The following PPP1R13B variants were observed in gnomAD, a reference collection of about 807,000 sequenced individuals.
PPP1R13B encodes the protein protein phosphatase 1 regulatory subunit 13B, also known as apoptosis-stimulating of p53 protein 1.
PPP1R13B carries 44 observed loss-of-function variants against 119.8 expected under a neutral mutation model. That is an observed-to-expected ratio of 0.37 (90% CI 0.29 to 0.47). The LOEUF (loss-of-function observed/expected upper bound fraction) is 0.47. Among genes scored for constraint, PPP1R13B ranks in the 20% least tolerant of loss-of-function variants. The probability of loss-of-function intolerance (pLI) is 0.99; values close to 1 mark genes in which losing one functional copy is unlikely to be tolerated. For missense variants in PPP1R13B, 1,227 were observed against 1,413.5 expected (o/e 0.87, Z 2.12); for synonymous variants, 542 against 561.5 (o/e 0.97, Z 0.49).
In PPP1R13B at chr14:103,770,152, C is replaced by T. The variant is rs546471971; in HGVS notation, c.354+8593G>A. Among the ~76,000 whole-genome samples, 59 of 152,090 alleles carry T rather than the reference C, an allele frequency of 3.9e-4. 1 individual carries two copies. In the South Asian group the frequency reaches 0.012, roughly 31 times the overall value. On this transcript the variant is annotated intron_variant, in intron 4 of 16. Coordinates refer to ENST00000202556, the MANE Select transcript of PPP1R13B (RefSeq NM_015316.3). ...AAGTGATCCACCTACCTCGGCCTCC[C>T]AAAGTGCTGGGTTTACAGGTGTGAG... is the stretch of plus-strand genomic sequence containing the variant.
chr14:103,841,984 G>T (rs1725954199), intron 1 of PPP1R13B, among the ~76,000 whole-genome samples: 1 of 152,158 alleles, frequency 6.6e-6, no homozygotes, highest in African/African-American at 2.4e-5. Flanking sequence ...TAACAAGTAG[G>T]AGCAAGAACC....
At chr14:103,786,322 G>GTA in intron 2 of PPP1R13B, among the ~76,000 whole-genome samples, 1 of 152,288 alleles carries the variant, frequency 6.6e-6, no homozygotes, top group East Asian at 1.9e-4. Context: ...GATTACAGGT[G>GTA]TAAGCCACTG....
chr14:103,816,625 C>CA (rs1258801254), intron 1 of PPP1R13B, among the ~76,000 whole-genome samples: 1 of 148,790 alleles, frequency 6.7e-6, no homozygotes, highest in African/African-American at 2.5e-5. Context: ...GTGGAGGTTG[C>CA]ACCACTGCAC....
chr14:103,739,649 G>A (rs1163899898), intron 12 of PPP1R13B, among the ~76,000 whole-genome samples, 175 bp downstream of exon 12: 1 of 152,186 alleles, frequency 6.6e-6, no homozygotes, highest in African/African-American at 2.4e-5. Flanking sequence ...CATTTGTCAT[G>A]CCTTTTCATG....
chr14:103,841,629 G>A (rs1021924696), intron 1 of PPP1R13B, among the ~76,000 whole-genome samples: 1 of 151,986 alleles, frequency 6.6e-6, no homozygotes, highest in Non-Finnish European at 1.5e-5. Flanking sequence ...TTTAAATATT[G>A]TCCTGTCTTT....
At chr14:103,798,007 C>T (rs1217465088) in intron 1 of PPP1R13B, among the ~76,000 whole-genome samples, 1 of 151,952 alleles carries the variant, frequency 6.6e-6, no homozygotes, top group Non-Finnish European at 1.5e-5. Context: ...GATACAAACC[C>T]TAAAGCCATA....
At position 103,746,573 on chromosome 14, in the gene PPP1R13B, G is replaced by A. The variant is rs1210551456; in HGVS notation, c.970-20C>T. ...GTTCAGCTACAAATTGGGAAGAAAT[G>A]AGAGTCAAGATTCTCCTACATTCAA... On this transcript the variant is annotated intron_variant, in intron 8 of 16. Transcript: ENST00000202556. 1.3e-6 allele frequency: 2 copies of A among 1,552,616 alleles called. No homozygotes were observed. Among genetic ancestry groups the A allele is most frequent in the East Asian group, 4.7e-5 (2 of 42,918 alleles).
intron 4 of PPP1R13B, chr14:103,762,932 C>A: frequency 3.1e-6 from 3 of 956,034 alleles, no homozygotes; most frequent in South Asian, 1.4e-5. Flanking sequence ...TGTTGCTGTC[C>A]CCGTCTACAG....
chr14:103,767,313 C>T (rs762378160), intron 4 of PPP1R13B, among the ~76,000 whole-genome samples: 1 of 151,986 alleles, frequency 6.6e-6, no homozygotes, highest in Non-Finnish European at 1.5e-5. Flanking sequence ...AACCCTGTCT[C>T]TTTAAAATAA....
intron 2 of PPP1R13B, among the ~76,000 whole-genome samples, chr14:103,794,892 G>A (rs907621782): frequency 3.9e-5 from 6 of 152,126 alleles, no homozygotes; most frequent in Non-Finnish European, 7.4e-5. Flanking sequence ...ACAAGTTCCC[G>A]CCTTCAGGAA....
intron 2 of PPP1R13B, among the ~76,000 whole-genome samples, chr14:103,786,024 T>G (rs2085454048): frequency 6.6e-6 from 1 of 152,094 alleles, no homozygotes; most frequent in South Asian, 2.1e-4. Flanking sequence ...AAATCAAAGC[T>G]TACTCACAAT....
intron 1 of PPP1R13B, among the ~76,000 whole-genome samples, chr14:103,835,611 T>C (rs1485388108): frequency 2.5e-5 from 3 of 118,484 alleles, no homozygotes; most frequent in South Asian, 2.4e-4. Context: ...TATTTTTATT[T>C]ATTTATTTTT....
At chr14:103,773,533 C>G (rs1349554140) in intron 4 of PPP1R13B, among the ~76,000 whole-genome samples, 1 of 152,288 alleles carries the variant, frequency 6.6e-6, no homozygotes, top group East Asian at 1.9e-4. Context: ...TAATATAAAA[C>G]CACAAAAGCG....
At position 103,734,653 on chromosome 14, in the gene PPP1R13B, TAC is replaced by T. The variant is rs1163101860; in HGVS notation, c.*499_*500del. 2.2e-6 allele frequency: 1 copy of T among 456,496 alleles called. No individual in the cohort carries two copies. The highest frequency in any genetic ancestry group is 4.4e-6 in the Non-Finnish European group (1 of 226,926). The allele number at this position is 456,496 out of a possible 1,614,324, so 28.3% of individuals were successfully genotyped here. ...GGCAGCAACACTGGACATGTTTCCATACAGAGGCTCCTTTGGTGATGAAGGGA... is the reference window on the plus strand; with the variant it reads ...GGCAGCAACACTGGACATGTTTCCATAGAGGCTCCTTTGGTGATGAAGGGA... On this transcript the variant is annotated 3_prime_UTR_variant, in exon 17 of 17. Transcript: ENST00000202556.
chr14:103,784,248 T>G (rs2085399357), intron 3 of PPP1R13B, among the ~76,000 whole-genome samples: 1 of 151,932 alleles, frequency 6.6e-6, no homozygotes, highest in Non-Finnish European at 1.5e-5. Context: ...TTTAATTAAC[T>G]TAGAGTCCTG....
At chr14:103,749,981 T>C (rs749561278) in intron 7 of PPP1R13B, 47 bp from the exon 8 acceptor site, 1 of 1,588,026 alleles carries the variant, frequency 6.3e-7, no homozygotes, top group South Asian at 1.1e-5. Flanking sequence ...TAATTAAAAG[T>C]CAAATTCTCA....
chr14:103,762,773 AGGT>A (rs1026987594), intron 4 of PPP1R13B: 12 of 705,840 alleles, frequency 1.7e-5, no homozygotes, highest in Non-Finnish European at 2.3e-5. Flanking sequence ...CTGTGGGGGC[AGGT>A]GGTGGCGGCG....
intron 3 of PPP1R13B, among the ~76,000 whole-genome samples, chr14:103,779,977 T>C (rs1314878069): frequency 6.6e-6 from 1 of 150,900 alleles, no homozygotes. Context: ...GGCAAAACCC[T>C]GTCTCTAGTA....
intron 4 of PPP1R13B, among the ~76,000 whole-genome samples, chr14:103,766,825 T>A (rs2151999114): frequency 6.6e-6 from 1 of 152,332 alleles, no homozygotes; most frequent in South Asian, 2.1e-4. Flanking sequence ...CAGGATGGTC[T>A]CGATCTCTTG....
Sources: allele counts gnomAD v4.1 joint callset (sites outside exome capture counted in the v4.1 genomes callset), GRCh38; gene constraint gnomAD v4.1.1; transcripts MANE v1.5; gene names NCBI Gene and HGNC (gene_info 2026-07-23, HGNC 2026-07-21).